The following PDE4B variants were observed in gnomAD, a reference collection of about 807,000 sequenced individuals.
PDE4B encodes 3',5'-cyclic-AMP phosphodiesterase 4B.
PDE4B carries 20 observed loss-of-function variants against 82.2 expected under a neutral mutation model. The observed-to-expected ratio is 0.24, with a 90% CI of 0.17 to 0.35. The LOEUF (loss-of-function observed/expected upper bound fraction) is 0.35. Ranked by LOEUF, PDE4B falls within the 10% of genes least tolerant of loss-of-function variation. PDE4B has a pLI of 1.00. For missense variants in PDE4B, 655 were observed against 907.2 expected (o/e 0.72, Z 3.57); for synonymous variants, 320 against 318.9 (o/e 1.00, Z -0.04).
At chr1:66,044,799 A>G (rs1654597220) in intron 3 of PDE4B, among the ~76,000 whole-genome samples, 1 of 151,708 alleles carries the variant, frequency 6.6e-6, no homozygotes, top group Admixed American at 6.6e-5. Context: ...TTTCCATGCC[A>G]TATGTGATCA....
intron 6 of PDE4B, among the ~76,000 whole-genome samples, chr1:66,263,002 C>T (rs772863019): frequency 5.9e-5 from 9 of 152,162 alleles, no homozygotes. Context: ...CTTTGGAACT[C>T]AGGAAAAGGT....
intron 7 of PDE4B, chr1:66,267,011 T>G (rs1159645961): frequency 1.1e-5 from 2 of 183,658 alleles, no homozygotes; most frequent in Non-Finnish European, 2.3e-5. Flanking sequence ...TTCTTTCTGG[T>G]ATCCTGATCA....
chr1:65,818,594 G>A (rs1348495997), intron 1 of PDE4B, among the ~76,000 whole-genome samples: 4 of 150,686 alleles, frequency 2.7e-5, no homozygotes, highest in Non-Finnish European at 4.4e-5. Flanking sequence ...CCAGAACCAC[G>A]CCTTTCTCAA....
chr1:66,271,496 T>G (rs939330834), intron 7 of PDE4B, among the ~76,000 whole-genome samples: 1 of 152,246 alleles, frequency 6.6e-6, no homozygotes, highest in Non-Finnish European at 1.5e-5. Context: ...GGCAAATCGC[T>G]GCCAGGGACC....
At chr1:66,064,796 A>G (rs899824521) in intron 3 of PDE4B, among the ~76,000 whole-genome samples, 1 of 151,990 alleles carries the variant, frequency 6.6e-6, no homozygotes, top group African/African-American at 2.4e-5. Context: ...AACTATTAGT[A>G]GCATTTACTA....
At chr1:66,248,850 G>T (rs1653529881) in intron 4 of PDE4B, among the ~76,000 whole-genome samples, 1 of 152,130 alleles carries the variant, frequency 6.6e-6, no homozygotes, top group South Asian at 2.1e-4. Context: ...CCATGGAGCC[G>T]AGCTCATGTT....
intron 3 of PDE4B, among the ~76,000 whole-genome samples, chr1:66,101,079 G>A (rs1274605544): frequency 6.6e-6 from 1 of 152,074 alleles, no homozygotes; most frequent in Non-Finnish European, 1.5e-5. Flanking sequence ...AGAACATGCG[G>A]TGTTTGATTT....
At chr1:66,054,208 T>C (rs1427848309) in intron 3 of PDE4B, among the ~76,000 whole-genome samples, 2 of 152,244 alleles carry the variant, frequency 1.3e-5, no homozygotes, top group African/African-American at 2.4e-5. Context: ...CATAGATTAC[T>C]AACGTGTAAT....
At chr1:66,211,309 C>A (rs1267917575) in intron 3 of PDE4B, among the ~76,000 whole-genome samples, 1 of 152,194 alleles carries the variant, frequency 6.6e-6, no homozygotes, top group Non-Finnish European at 1.5e-5. Flanking sequence ...TCTTCTCTCT[C>A]CTTAAATTCT....
intron 7 of PDE4B, among the ~76,000 whole-genome samples, chr1:66,315,860 C>T (rs564890391): frequency 5.3e-5 from 8 of 152,200 alleles, no homozygotes; most frequent in South Asian, 2.1e-4. Flanking sequence ...TCCCTACCTA[C>T]GAGGAAGTGT....
chr1:65,870,406 A>G (rs531918834), intron 1 of PDE4B, among the ~76,000 whole-genome samples: 1 of 152,192 alleles, frequency 6.6e-6, no homozygotes, highest in Admixed American at 6.5e-5. Flanking sequence ...AAAACAAACC[A>G]GGAAACAAAC....
At chr1:66,087,789 A>G (rs1282564971) in intron 3 of PDE4B, among the ~76,000 whole-genome samples, 1 of 147,402 alleles carries the variant, frequency 6.8e-6, no homozygotes, top group Non-Finnish European at 1.5e-5. Flanking sequence ...AACACCGCAT[A>G]TTCTCACTCA....
intron 3 of PDE4B, among the ~76,000 whole-genome samples, chr1:65,931,392 T>G (rs973869138): frequency 6.6e-6 from 1 of 152,190 alleles, no homozygotes; most frequent in East Asian, 1.9e-4. Context: ...TCTTTGCAGA[T>G]GACATGACTG....
Position 65,832,448 on chromosome 1 carries a change from A to G in PDE4B, c.-71+39200A>G, listed in dbSNP as rs139533722. On this transcript the variant is annotated intron_variant, in intron 1 of 16. Transcript: ENST00000341517. ...GAAATGAAGAGAGGATTTGGTCCAGATAAACATATGACTCTAATTTCTATG... is the reference window on the plus strand; with the variant it reads ...GAAATGAAGAGAGGATTTGGTCCAGGTAAACATATGACTCTAATTTCTATG... Among the ~76,000 whole-genome samples, 353 of 152,342 alleles carry G rather than the reference A, an allele frequency of 2.3e-3. 2 individuals carry two copies. The highest frequency in any genetic ancestry group is 0.014 in the Middle Eastern group (4 of 294).
chr1:66,003,064 T>G (rs1651952134), intron 3 of PDE4B, among the ~76,000 whole-genome samples: 1 of 151,282 alleles, frequency 6.6e-6, no homozygotes, highest in African/African-American at 2.4e-5. Flanking sequence ...CAGGAACTAG[T>G]TTTTTTTTAT....
In PDE4B at chr1:66,367,778, A is replaced by G. The variant is rs1163080312; in HGVS notation, c.1467A>G (p.Glu489=). 1 of 1,613,912 alleles carries G rather than the reference A, an allele frequency of 6.2e-7. No homozygotes were observed. Among genetic ancestry groups the G allele is most frequent in the South Asian group, 1.1e-5 (1 of 91,076 alleles). ...CTGTGGGTTTCAAACTGCTGCAAGA[A>G]GAACACTGTGACATCTTCATGAATC... ...HLAVGFKLLQ[E]EHCDIFMNLT... is the part of the protein sequence containing the mutation. The change falls in exon 14 of 17, where the codon GAA becomes GAG. Residue 489 remains glutamate, a synonymous_variant. Coordinates refer to ENST00000341517, the MANE Select transcript of PDE4B (RefSeq NM_002600.4).
At chr1:66,345,617 G>T (rs1193189792) in intron 8 of PDE4B, among the ~76,000 whole-genome samples, 1 of 152,094 alleles carries the variant, frequency 6.6e-6, no homozygotes, top group Non-Finnish European at 1.5e-5. Flanking sequence ...AATATTTTTT[G>T]ATCAATTGCA....
intron 13 of PDE4B, 30 bp downstream of exon 13, chr1:66,365,796 G>C: frequency 2.4e-6 from 3 of 1,269,264 alleles, no homozygotes; most frequent in Non-Finnish European, 3.4e-6. Context: ...AGTCATTCCA[G>C]ATAATTGTAT....
At chr1:66,103,155 C>T (rs951772930) in intron 3 of PDE4B, among the ~76,000 whole-genome samples, 1 of 152,014 alleles carries the variant, frequency 6.6e-6, no homozygotes, top group African/African-American at 2.4e-5. Context: ...GCATCTTTTG[C>T]TAAAGAATCA....
Sources: allele counts gnomAD v4.1 joint callset (sites outside exome capture counted in the v4.1 genomes callset), GRCh38; gene constraint gnomAD v4.1.1; transcripts MANE v1.5; gene names NCBI Gene and HGNC (gene_info 2026-07-23, HGNC 2026-07-21).